ARHGAP15: variants seen among roughly 807,000 people sequenced by gnomAD.
ARHGAP15 encodes Rho GTPase activating protein 15.
Under a neutral mutation model 63.7 loss-of-function variants are expected in ARHGAP15, and 51 were observed. The observed-to-expected ratio is 0.80, with a 90% CI of 0.64 to 1.01. The LOEUF (loss-of-function observed/expected upper bound fraction) is 1.01, where lower values mean the gene tolerates loss of function less well. Ranked by LOEUF, ARHGAP15 falls within the 50% of genes least tolerant of loss-of-function variation. The pLI is 0.00. For missense variants in ARHGAP15, 560 were observed against 564.6 expected, an observed-to-expected ratio of 0.99 and a Z score of 0.08; for synonymous variants, 191 against 193.8, an observed-to-expected ratio of 0.99 and a Z score of 0.12.
chr2:143,208,687 T>G (rs752183311), intron 3 of ARHGAP15, among the ~76,000 whole-genome samples: 2 of 152,184 alleles, frequency 1.3e-5, no homozygotes, highest in Non-Finnish European at 2.9e-5. Flanking sequence ...TATATCAATA[T>G]GCATTTGTTT....
intron 9 of ARHGAP15, among the ~76,000 whole-genome samples, chr2:143,507,114 A>G (rs995254906): frequency 4.6e-5 from 7 of 152,142 alleles, no homozygotes; most frequent in African/African-American, 1.7e-4. Context: ...CTTGAATATC[A>G]TTTTGTAGCT....
At chr2:143,148,430 C>G (rs1689679950) in intron 1 of ARHGAP15, among the ~76,000 whole-genome samples, 1 of 152,008 alleles carries the variant, frequency 6.6e-6, no homozygotes, top group Admixed American at 6.6e-5. Context: ...GCTTTGCTCC[C>G]AACAGGATGG....
chr2:143,258,243 G>GA (rs1299960755), intron 6 of ARHGAP15, among the ~76,000 whole-genome samples: 1 of 143,406 alleles, frequency 7.0e-6, no homozygotes, highest in African/African-American at 2.6e-5. Flanking sequence ...GAAAGCAAGA[G>GA]AAAAAATACA....
intron 10 of ARHGAP15, among the ~76,000 whole-genome samples, chr2:143,528,431 A>C (rs1051618207): frequency 6.6e-6 from 1 of 151,908 alleles, no homozygotes; most frequent in Non-Finnish European, 1.5e-5. Context: ...TTGGATGATA[A>C]TTTTTTTGAG....
intron 8 of ARHGAP15, among the ~76,000 whole-genome samples, chr2:143,472,490 A>G (rs955242929): frequency 1.9e-4 from 29 of 152,158 alleles, no homozygotes; most frequent in African/African-American, 6.5e-4. Flanking sequence ...CAATATGAAC[A>G]TGACTTTTTA....
chr2:143,367,114 G>C (rs1166319196), intron 6 of ARHGAP15, among the ~76,000 whole-genome samples: 1 of 151,978 alleles, frequency 6.6e-6, no homozygotes, highest in African/African-American at 2.4e-5. Flanking sequence ...CAATTGATTA[G>C]ACATTACATA....
At chr2:143,457,592 A>AAT (rs1426136524) in intron 8 of ARHGAP15, among the ~76,000 whole-genome samples, 2 of 150,338 alleles carry the variant, frequency 1.3e-5, no homozygotes, top group African/African-American at 2.4e-5. Flanking sequence ...ATTGTTGACT[A>AAT]ATATATATTA....
At chr2:143,340,241 G>A (rs993296409) in intron 6 of ARHGAP15, among the ~76,000 whole-genome samples, 17 of 152,112 alleles carry the variant, frequency 1.1e-4, no homozygotes, top group African/African-American at 4.1e-4. Context: ...AGAGAACCAA[G>A]ACAGGTTGGA....
At chr2:143,705,318 G>A (rs1031298085) in intron 13 of ARHGAP15, among the ~76,000 whole-genome samples, 4 of 152,022 alleles carry the variant, frequency 2.6e-5, no homozygotes, top group East Asian at 1.9e-4. Flanking sequence ...TACTGGCTAC[G>A]GTGAGAAATC....
At chr2:143,272,639 G>A (rs1423518403) in intron 6 of ARHGAP15, among the ~76,000 whole-genome samples, 5 of 151,982 alleles carry the variant, frequency 3.3e-5, no homozygotes, top group Non-Finnish European at 7.4e-5. Context: ...GCAACAGAAT[G>A]AGACTGCGTC....
chr2:143,309,871 T>C (rs1315036438), intron 6 of ARHGAP15, among the ~76,000 whole-genome samples: 1 of 90,312 alleles, frequency 1.1e-5, no homozygotes, highest in Non-Finnish European at 3.4e-5. Context: ...TGAACTTGTG[T>C]GTGTGTGTGT....
intron 11 of ARHGAP15, chr2:143,587,822 T>G (rs1697168678): frequency 6.6e-6 from 3 of 457,450 alleles, no homozygotes; most frequent in Non-Finnish European, 1.3e-5. Context: ...AAACTGGTAT[T>G]TATATTTATT....
At chr2:143,625,465 T>TTGC (rs141782073) in intron 12 of ARHGAP15, among the ~76,000 whole-genome samples, 42,335 of 151,330 alleles carry the variant, frequency 0.28, 6,187 homozygotes, top group African/African-American at 0.31. Flanking sequence ...GTTGTTGCTA[T>TTGC]TGCTGCTGCT....
In ARHGAP15 at chr2:143,697,620, G is replaced by T. The variant is rs539578949; in HGVS notation, c.1139-5799G>T. ...GTGAGTTTGAAGCATGTGTATATTT[G>T]TATCTATTTGTGAGATTTGAATTTG... On this transcript the variant is annotated intron_variant, in intron 12 of 13. Transcript: ENST00000295095. 1.3e-3 allele frequency among the ~76,000 whole-genome samples: 197 copies of T among 152,192 alleles called. 4 individuals carry two copies. In the South Asian group the frequency reaches 0.035, roughly 27 times the overall value.
chr2:143,332,157 A>G (rs1684576883), intron 6 of ARHGAP15, among the ~76,000 whole-genome samples: 1 of 152,200 alleles, frequency 6.6e-6, no homozygotes, highest in African/African-American at 2.4e-5. Context: ...TCATGGTATC[A>G]ATTCAAACAA....
chr2:143,631,222 A>G (rs1201217939), intron 12 of ARHGAP15, among the ~76,000 whole-genome samples: 1 of 152,042 alleles, frequency 6.6e-6, no homozygotes, highest in East Asian at 1.9e-4. Context: ...TCAGTTGTTT[A>G]TGGATATTTG....
chr2:143,273,705 A>T (rs1681410585), intron 6 of ARHGAP15, among the ~76,000 whole-genome samples: 1 of 152,180 alleles, frequency 6.6e-6, no homozygotes, highest in African/African-American at 2.4e-5. Context: ...TTAATTTTAT[A>T]AATCTCTTCT....
chr2:143,642,057 A>G (rs1680628055), intron 12 of ARHGAP15, among the ~76,000 whole-genome samples: 1 of 152,148 alleles, frequency 6.6e-6, no homozygotes, highest in Non-Finnish European at 1.5e-5. Flanking sequence ...GTAAAACACC[A>G]GTAAATATTA....
At chr2:143,256,783 A>T (rs1040495960) in intron 6 of ARHGAP15, among the ~76,000 whole-genome samples, 1 of 152,102 alleles carries the variant, frequency 6.6e-6, no homozygotes, top group African/African-American at 2.4e-5. Context: ...GATTTGATTT[A>T]AGAATATGAA....
Sources: allele counts gnomAD v4.1 joint callset (sites outside exome capture counted in the v4.1 genomes callset), GRCh38; gene constraint gnomAD v4.1.1; transcripts MANE v1.5; gene names NCBI Gene and HGNC (gene_info 2026-07-23, HGNC 2026-07-21).